EPHA6: variants seen among roughly 807,000 people sequenced by gnomAD.
EPHA6 encodes ephrin type-A receptor 6.
In EPHA6, 50 loss-of-function variants were observed where a neutral mutation model predicts 112.0. The observed-to-expected ratio is 0.45, with a 90% CI of 0.36 to 0.56. The LOEUF (loss-of-function observed/expected upper bound fraction) is 0.56. Ranked by LOEUF, EPHA6 falls within the 20% of genes least tolerant of loss-of-function variation. The pLI is 0.00. For missense variants in EPHA6, 1,280 were observed against 1,417.4 expected, an observed-to-expected ratio of 0.90 and a Z score of 1.56; for synonymous variants, 529 against 490.7, an observed-to-expected ratio of 1.08 and a Z score of -1.03.
At chr3:97,585,736 A>G (rs916713798) in intron 11 of EPHA6, among the ~76,000 whole-genome samples, 2 of 152,182 alleles carry the variant, frequency 1.3e-5, no homozygotes, top group Non-Finnish European at 2.9e-5. Flanking sequence ...GGGCATGTCA[A>G]GTTACAAGAA....
chr3:97,542,101 T>A (rs1208191046), intron 11 of EPHA6, among the ~76,000 whole-genome samples: 1 of 151,910 alleles, frequency 6.6e-6, no homozygotes, highest in African/African-American at 2.4e-5. Flanking sequence ...TTTGTTTTTT[T>A]TTTTTTATAC....
At chr3:97,653,652 G>A (rs2094120609) in intron 14 of EPHA6, among the ~76,000 whole-genome samples, 1 of 151,862 alleles carries the variant, frequency 6.6e-6, no homozygotes. Flanking sequence ...CCCACTTCTA[G>A]GTATATAATC....
chr3:97,563,997 A>T (rs4857274), intron 11 of EPHA6, among the ~76,000 whole-genome samples: 1 of 151,978 alleles, frequency 6.6e-6, no homozygotes, highest in Admixed American at 6.6e-5. Context: ...AATTCAGAAG[A>T]TGGAGGCTAA....
intron 3 of EPHA6, among the ~76,000 whole-genome samples, chr3:97,156,352 T>C (rs2076288860): frequency 6.6e-6 from 1 of 152,140 alleles, no homozygotes; most frequent in African/African-American, 2.4e-5. Flanking sequence ...TACAAATAAA[T>C]ATACTTAACA....
chr3:97,705,210 G>A (rs931295730), intron 14 of EPHA6, among the ~76,000 whole-genome samples: 4 of 151,882 alleles, frequency 2.6e-5, no homozygotes, highest in African/African-American at 9.7e-5. Context: ...ACTTCTCTCA[G>A]TATCTCTAAA....
At chr3:97,022,397 G>A (rs1057222086) in intron 3 of EPHA6, among the ~76,000 whole-genome samples, 21 of 152,010 alleles carry the variant, frequency 1.4e-4, no homozygotes, top group African/African-American at 2.9e-4. Context: ...AGCTACTTGA[G>A]TTATTAGTTT....
In EPHA6 at chr3:96,987,577, A is replaced by T; in HGVS notation, c.698A>T (p.Lys233Ile). 1 of 1,613,966 alleles carries T rather than the reference A, an allele frequency of 6.2e-7. No individual in the cohort carries two copies. Among genetic ancestry groups the T allele is most frequent in the Non-Finnish European group, 8.5e-7 (1 of 1,179,866 alleles). The change falls in exon 3 of 18, where the codon AAA (lysine) becomes ATA (isoleucine). Residue 233 changes from lysine (K) to isoleucine (I), a missense_variant. Lys to Ile is a moderately radical substitution (Grantham distance 102, BLOSUM62 -3). Around this residue, in one of 4 missense-constraint regions of EPHA6, gnomAD observed 878 missense variants for 999.7 expected, o/e 0.88. Coordinates refer to ENST00000389672, the MANE Select transcript of EPHA6 (RefSeq NM_001080448.3). Reference sequence around the variant, plus strand: ...GAATCAGATGAGTCCCACGGAATTAAATTCAAGCCAAACCAGTATACAAAG... The same window carrying T: ...GAATCAGATGAGTCCCACGGAATTATATTCAAGCCAAACCAGTATACAAAG... ...YMESDESHGI[K>I]FKPNQYTKID...
At chr3:97,171,758 C>T (rs564780250) in intron 3 of EPHA6, among the ~76,000 whole-genome samples, 3 of 151,702 alleles carry the variant, frequency 2.0e-5, no homozygotes, top group South Asian at 4.2e-4. Flanking sequence ...AATTATGATT[C>T]CCAGAAGATA....
chr3:97,554,864 A>T (rs1409016532), intron 11 of EPHA6, among the ~76,000 whole-genome samples: 3 of 151,822 alleles, frequency 2.0e-5, no homozygotes, highest in Non-Finnish European at 2.9e-5. Context: ...ACTTGGAGTG[A>T]CTGCCCCTAC....
intron 3 of EPHA6, among the ~76,000 whole-genome samples, chr3:97,065,531 C>A (rs908326623): frequency 6.6e-6 from 1 of 152,080 alleles, no homozygotes; most frequent in Non-Finnish European, 1.5e-5. Context: ...CAATTCAACT[C>A]ATTGCATATC....
chr3:97,434,644 T>C (rs2089717314), intron 6 of EPHA6, among the ~76,000 whole-genome samples: 1 of 152,164 alleles, frequency 6.6e-6, no homozygotes, highest in South Asian at 2.1e-4. Flanking sequence ...CAGGTATCTA[T>C]TATTGCATAA....
rs113439935 is a variant in EPHA6 at position 97,569,564 on chromosome 3, T to A, written c.2387-23048T>A. Among the ~76,000 whole-genome samples the A allele has an allele frequency of 3.3e-3, 508 of 152,280 alleles. 3 individuals carry two copies. Among genetic ancestry groups the A allele is most frequent in the African/African-American group, 0.012 (487 of 41,562 alleles). ...ATAATAGTTCCTTCTTCATTTGGGTTGTTAGGAAAACTAACTGAACATATA... is the reference window on the plus strand; with the variant it reads ...ATAATAGTTCCTTCTTCATTTGGGTAGTTAGGAAAACTAACTGAACATATA... On this transcript the variant is annotated intron_variant, in intron 11 of 17. Coordinates refer to ENST00000389672, the MANE Select transcript of EPHA6 (RefSeq NM_001080448.3).
chr3:97,652,093 G>T lies in EPHA6; in HGVS notation c.2784+14011G>T, dbSNP rs10511162. ...TGCTCCCACTTAAAATAACATACCT[G>T]CTGACATTAAATCTAGAGTTTCAAA... On this transcript the variant is annotated intron_variant, in intron 14 of 17. Transcript: ENST00000389672. Among the ~76,000 whole-genome samples the T allele has an allele frequency of 3.3e-5, 5 of 151,876 alleles. No individual in the cohort carries two copies. In the East Asian group the frequency reaches 7.8e-4, roughly 24 times the overall value.
intron 3 of EPHA6, among the ~76,000 whole-genome samples, chr3:97,102,217 A>C (rs940606028): frequency 6.6e-6 from 1 of 152,030 alleles, no homozygotes; most frequent in Non-Finnish European, 1.5e-5. Flanking sequence ...CTTTCTTCCA[A>C]CCATCCTCAG....
chr3:97,363,603 C>T (rs1249386185), intron 5 of EPHA6, among the ~76,000 whole-genome samples: 1 of 151,812 alleles, frequency 6.6e-6, no homozygotes, highest in Non-Finnish European at 1.5e-5. Context: ...GGCAACTCTT[C>T]AAAACATTAA....
At chr3:96,894,370 T>G (rs78379154) in intron 2 of EPHA6, among the ~76,000 whole-genome samples, 2,705 of 152,280 alleles carry the variant, frequency 0.018, 40 homozygotes, top group Non-Finnish European at 0.025. Context: ...CCTCCTTTTA[T>G]TGGTGATCTT....
chr3:96,923,034 C>T (rs1162828268), intron 2 of EPHA6, among the ~76,000 whole-genome samples: 1 of 152,172 alleles, frequency 6.6e-6, no homozygotes, highest in Non-Finnish European at 1.5e-5. Context: ...TTTATCCCAT[C>T]TATCATTGAT....
At chr3:97,559,973 T>G (rs2093166692) in intron 11 of EPHA6, among the ~76,000 whole-genome samples, 1 of 151,864 alleles carries the variant, frequency 6.6e-6, no homozygotes, top group African/African-American at 2.4e-5. Context: ...CTATTTGATG[T>G]TCTCAAAGAG....
intron 6 of EPHA6, among the ~76,000 whole-genome samples, chr3:97,433,420 C>A (rs1044381324): frequency 2.0e-5 from 3 of 152,196 alleles, no homozygotes; most frequent in South Asian, 2.1e-4. Context: ...CAAAAGACTT[C>A]ATTTACAGCA....
Sources: allele counts gnomAD v4.1 joint callset (sites outside exome capture counted in the v4.1 genomes callset), GRCh38; gene constraint gnomAD v4.1.1; regional missense constraint gnomAD v4.1.1; transcripts MANE v1.5; gene names NCBI Gene and HGNC (gene_info 2026-07-23, HGNC 2026-07-21).